Variants in FRMPD4 observed in about 807,000 individuals in gnomAD.
FRMPD4 encodes FERM and PDZ domain-containing protein 4.
Under a neutral mutation model 94.1 loss-of-function variants are expected in FRMPD4, and 22 were observed. The ratio of observed to expected loss-of-function variants is 0.23; its 90% confidence interval spans 0.17 to 0.33. The LOEUF is 0.33. FRMPD4 is among the 10% of genes least tolerant of loss of function. The pLI, the probability that FRMPD4 is intolerant of heterozygous loss-of-function variation, is 1.00. For missense variants in FRMPD4, 1,111 were observed against 1,339.9 expected (o/e 0.83, Z 2.67); for synonymous variants, 631 against 548.6 (o/e 1.15, Z -2.10).
chrX:12,704,233 G>T, intron 10 of FRMPD4, 126 bp from the exon 11 acceptor site: 1 of 431,370 alleles, frequency 2.3e-6, no homozygotes, highest in East Asian at 3.8e-5. Flanking sequence ...ACTTCCTTTG[G>T]GGACTTGTCT....
At chrX:12,615,266 A>G (rs936443927) in intron 4 of FRMPD4, among the ~76,000 whole-genome samples, 2 of 112,373 alleles carry the variant, frequency 1.8e-5, no homozygotes, top group Admixed American at 9.4e-5. Context: ...ACATAATCCC[A>G]TGGATATACA....
chrX:12,412,133 TTATG>T (rs2056741277), intron 1 of FRMPD4, among the ~76,000 whole-genome samples: 2 of 112,381 alleles, frequency 1.8e-5, no homozygotes, highest in African/African-American at 6.5e-5. Context: ...GCTCTTACCA[TTATG>T]TGTGATTCAA....
chrX:12,337,011 G>T (rs1489784783), intron 1 of FRMPD4, among the ~76,000 whole-genome samples: 1 of 111,268 alleles, frequency 9.0e-6, no homozygotes, highest in Non-Finnish European at 1.9e-5. Flanking sequence ...ACTTCTGTGT[G>T]TGTTAGGAGG....
At chrX:11,886,247 C>T (rs187276942) in intron 3 of FRMPD4, among the ~76,000 whole-genome samples, 1 of 111,771 alleles carries the variant, frequency 8.9e-6, no homozygotes, top group Non-Finnish European at 1.9e-5. Flanking sequence ...AATATGCACC[C>T]CAAGTTTTTG....
intron 2 of FRMPD4, among the ~76,000 whole-genome samples, chrX:12,551,573 T>C (rs1407720533): frequency 3.6e-5 from 4 of 111,171 alleles, no homozygotes. Context: ...TGGAATTTAA[T>C]TTTCTTTCCA....
chrX:12,704,236 A>T (rs999715198), intron 10 of FRMPD4, 123 bp from the exon 11 acceptor site: 6 of 437,611 alleles, frequency 1.4e-5, no homozygotes, highest in Non-Finnish European at 1.9e-5. Flanking sequence ...TCCTTTGGGG[A>T]CTTGTCTCCA....
intron 1 of FRMPD4, among the ~76,000 whole-genome samples, chrX:12,431,221 G>A (rs189782344): frequency 8.9e-6 from 1 of 112,667 alleles, no homozygotes; most frequent in Admixed American, 9.4e-5. Context: ...AAAACATAGA[G>A]AAATCATTAT....
At chrX:11,868,624 C>A (rs2053737250) in intron 2 of FRMPD4, among the ~76,000 whole-genome samples, 1 of 112,079 alleles carries the variant, frequency 8.9e-6, no homozygotes, top group East Asian at 2.8e-4. Context: ...TTGGAACCAA[C>A]CATATCAACT....
rs1479752361 is a variant in FRMPD4, at chrX:12,716,928, T to A, written c.2469T>A (p.Ser823=). 8.3e-7 allele frequency: 1 copy of A among 1,209,527 alleles called. No individual in the cohort carries two copies. The highest frequency in any genetic ancestry group is 1.1e-6 in the Non-Finnish European group (1 of 894,499). The change falls in exon 15 of 17, where the codon TCT becomes TCA. Residue 823 remains serine, a synonymous_variant. Coordinates refer to ENST00000675598, the MANE Select transcript of FRMPD4 (RefSeq NM_001368397.1). ...GAGACAGTTCAGATGAAGAGGACTC[T>A]CAGAGCCAGGCAGCTTCCTTCCCCG... The part of the protein sequence containing the change: ...GFRDSSDEED[S]QSQAASFPED...
At chrX:12,368,583 T>C (rs1298963961) in intron 1 of FRMPD4, among the ~76,000 whole-genome samples, 1 of 110,676 alleles carries the variant, frequency 9.0e-6, no homozygotes, top group Non-Finnish European at 1.9e-5. Context: ...TGACCTATTA[T>C]CTAAAAACAA....
At chrX:12,207,049 A>G (rs779981324) in intron 1 of FRMPD4, among the ~76,000 whole-genome samples, 1 of 111,401 alleles carries the variant, frequency 9.0e-6, no homozygotes, top group East Asian at 2.8e-4. Context: ...TGTTTTTTAA[A>G]CCTTACTGCA....
At chrX:12,262,847 T>A (rs141877154) in intron 1 of FRMPD4, among the ~76,000 whole-genome samples, 1 of 111,556 alleles carries the variant, frequency 9.0e-6, no homozygotes. Flanking sequence ...ATGGAAACAT[T>A]TCATGAAATG....
At chrX:12,164,689 C>G (rs1601647741) in intron 1 of FRMPD4, among the ~76,000 whole-genome samples, 1 of 112,333 alleles carries the variant, frequency 8.9e-6, no homozygotes, top group African/African-American at 3.2e-5. Context: ...TCCTATTTCT[C>G]CACATCCTCT....
intron 3 of FRMPD4, among the ~76,000 whole-genome samples, chrX:11,947,739 A>C (rs748998937): frequency 9.0e-6 from 1 of 111,381 alleles, no homozygotes; most frequent in Non-Finnish European, 1.9e-5. Context: ...CATGGAATTC[A>C]TTTATACTTA....
At chrX:11,845,657 A>G (rs1286178506) in intron 1 of FRMPD4, among the ~76,000 whole-genome samples, 1 of 110,372 alleles carries the variant, frequency 9.1e-6, no homozygotes, top group East Asian at 2.8e-4. Context: ...CGAATCCAGC[A>G]GCACATCAAA....
chrX:12,139,367 G>A (rs1468073477), intron 1 of FRMPD4, among the ~76,000 whole-genome samples: 2 of 110,989 alleles, frequency 1.8e-5, no homozygotes, highest in Non-Finnish European at 1.9e-5. Context: ...ACCCAGAAGT[G>A]CTTGGAGCTT....
chrX:12,388,147 T>C (rs1169138556), intron 1 of FRMPD4, among the ~76,000 whole-genome samples: 9 of 111,395 alleles, frequency 8.1e-5, no homozygotes, highest in Non-Finnish European at 1.7e-4. Flanking sequence ...GTGCTGGATA[T>C]GTTCTATATC....
chrX:11,934,615 C>T (rs1424408606), intron 3 of FRMPD4, among the ~76,000 whole-genome samples: 1 of 112,047 alleles, frequency 8.9e-6, no homozygotes, highest in African/African-American at 3.2e-5. Context: ...GAGATGATAA[C>T]TTGAGGAAGG....
chrX:12,040,160 ATTGT>A (rs2054745065), intron 3 of FRMPD4, among the ~76,000 whole-genome samples: 1 of 109,969 alleles, frequency 9.1e-6, no homozygotes, highest in Non-Finnish European at 1.9e-5. Context: ...GAAATGTTGA[ATTGT>A]TTATTTCTTC....
Sources: allele counts gnomAD v4.1 joint callset (sites outside exome capture counted in the v4.1 genomes callset), GRCh38; gene constraint gnomAD v4.1.1; transcripts MANE v1.5; gene names NCBI Gene and HGNC (gene_info 2026-07-23, HGNC 2026-07-21).